The following SLC71A2 variants were observed in gnomAD, a reference collection of about 807,000 sequenced individuals.
SLC71A2 encodes the protein solute carrier family 71 member 2, also known as hippocampus abundant transcript-like 1.
At chr9:94,435,111 A>G in the SLC71A2 span, among the ~76,000 whole-genome samples, 1 of 152,192 alleles carries the variant, frequency 6.6e-6, no homozygotes, top group South Asian at 2.1e-4. Context: ...AATCATTATA[A>G]TTACTGCTTT....
At chr9:94,450,862 C>G in the SLC71A2 span, among the ~76,000 whole-genome samples, 1 of 152,160 alleles carries the variant, frequency 6.6e-6, no homozygotes. Flanking sequence ...GATACTGTTA[C>G]GGTCAGAGGC....
chr9:94,451,349 C>A, the SLC71A2 span: 1 of 519,756 alleles, frequency 1.9e-6, no homozygotes, highest in Non-Finnish European at 3.2e-6. Flanking sequence ...CTTAATTTGC[C>A]ACTGGTTTTA....
At chr9:94,443,247 A>G in the SLC71A2 span, among the ~76,000 whole-genome samples, 5 of 152,144 alleles carry the variant, frequency 3.3e-5, no homozygotes, top group Non-Finnish European at 5.9e-5. Flanking sequence ...CAGTGAGCGC[A>G]CACATCCAGA....
At chr9:94,436,641 T>C in the SLC71A2 span, among the ~76,000 whole-genome samples, 1 of 152,128 alleles carries the variant, frequency 6.6e-6, no homozygotes, top group Non-Finnish European at 1.5e-5. Flanking sequence ...TGGTGCAAGA[T>C]GATGAACTGC....
At chr9:94,460,606 G>GT in the SLC71A2 span, 29,188 of 152,240 alleles carry the variant, frequency 0.19, 2,965 homozygotes, top group Middle Eastern at 0.27. Flanking sequence ...CATTAACTAG[G>GT]GCCCACCTTT....
the SLC71A2 span, among the ~76,000 whole-genome samples, chr9:94,412,739 G>A: frequency 7.1e-6 from 1 of 140,978 alleles, no homozygotes; most frequent in Middle Eastern, 3.5e-3. Context: ...TACATGTTGT[G>A]TGATTCCATT....
At chr9:94,451,254 A>G in the SLC71A2 span, among the ~76,000 whole-genome samples, 13 of 152,188 alleles carry the variant, frequency 8.5e-5, no homozygotes, top group African/African-American at 9.7e-5. Context: ...ACATTTCACA[A>G]TTTAAGTTGT....
At chr9:94,454,011 C>T in the SLC71A2 span, 5 of 1,614,148 alleles carry the variant, frequency 3.1e-6, no homozygotes, top group Non-Finnish European at 4.2e-6. Context: ...ATACTGTCCT[C>T]CTTGGCTTGG....
chr9:94,416,671 A>G, the SLC71A2 span, among the ~76,000 whole-genome samples: 1 of 152,260 alleles, frequency 6.6e-6, no homozygotes, highest in South Asian at 2.1e-4. Flanking sequence ...CCTGACCAAC[A>G]TGGAGAAACC....
the SLC71A2 span, among the ~76,000 whole-genome samples, chr9:94,412,624 A>G: frequency 6.8e-6 from 1 of 147,896 alleles, no homozygotes; most frequent in Non-Finnish European, 1.5e-5. Flanking sequence ...ATATCGATGC[A>G]GTGGAATATC....
the SLC71A2 span, among the ~76,000 whole-genome samples, chr9:94,442,711 G>T: frequency 6.6e-6 from 1 of 151,890 alleles, no homozygotes; most frequent in Admixed American, 6.6e-5. Context: ...TTAGCCGAGC[G>T]TGGTGGTGTG....
the SLC71A2 span, among the ~76,000 whole-genome samples, chr9:94,423,253 TTCTC>T: frequency 5.5e-5 from 8 of 145,248 alleles, no homozygotes; most frequent in African/African-American, 1.3e-4. Flanking sequence ...TGCCTTTCTG[TTCTC>T]TCTCTCTCTT....
chr9:94,395,558 A>G, the SLC71A2 span, among the ~76,000 whole-genome samples: 1 of 152,158 alleles, frequency 6.6e-6, no homozygotes, highest in East Asian at 1.9e-4. Context: ...TTGGATCTTC[A>G]GGATTGACCC....
the SLC71A2 span, among the ~76,000 whole-genome samples, chr9:94,446,611 C>CT: frequency 3.0e-4 from 44 of 146,852 alleles, no homozygotes; most frequent in East Asian, 4.0e-4. Flanking sequence ...TATTTTTTTG[C>CT]TTTTTTTTTT....
At chr9:94,392,619 G>A in the SLC71A2 span, among the ~76,000 whole-genome samples, 705 of 152,116 alleles carry the variant, frequency 4.6e-3, 2 homozygotes, top group Middle Eastern at 6.8e-3. Flanking sequence ...TCCTGCCTCA[G>A]CCTCCCAAGT....
chr9:94,451,718 C>T, the SLC71A2 span, among the ~76,000 whole-genome samples: 1 of 152,152 alleles, frequency 6.6e-6, no homozygotes, highest in Admixed American at 6.5e-5. Context: ...TGAATGTGGT[C>T]CACAGAACTA....
chr9:94,458,628 T>C, the SLC71A2 span, among the ~76,000 whole-genome samples: 11 of 151,680 alleles, frequency 7.3e-5, no homozygotes, highest in South Asian at 2.3e-3. Flanking sequence ...GAGGGGTCAT[T>C]TTAGTGATTT....
chr9:94,418,566 G>T, the SLC71A2 span, among the ~76,000 whole-genome samples: 4,346 of 151,962 alleles, frequency 0.029, 87 homozygotes, highest in Non-Finnish European at 0.046. Context: ...CTCCCGAGTA[G>T]CTGGGACTAT....
chr9:94,459,010 G>A, the SLC71A2 span: 1 of 817,310 alleles, frequency 1.2e-6, no homozygotes, highest in East Asian at 2.5e-5. Context: ...CCAAGCTCTA[G>A]TGGAGTTTGC....
Sources: gnomAD v4.1 joint callset for allele counts (sites outside exome capture counted in the v4.1 genomes callset) on GRCh38, gnomAD v4.1.1 for gene constraint, MANE v1.5 for transcripts, NCBI Gene and HGNC (gene_info 2026-07-23, HGNC 2026-07-21) for gene names.